The following SV2B variants were observed in gnomAD, a reference collection of about 807,000 sequenced individuals.
SV2B encodes solute carrier family 22 member B2.
A neutral mutation model predicts 73.9 loss-of-function variants in SV2B; 41 were observed. The ratio of observed to expected loss-of-function variants is 0.56; its 90% CI spans 0.43 to 0.72. The LOEUF (loss-of-function observed/expected upper bound fraction) is 0.72. Ranked by LOEUF, SV2B falls within the 30% of genes least tolerant of loss-of-function variation. SV2B has a pLI of 0.00. For missense variants in SV2B, 764 were observed against 857.8 expected (o/e 0.89, Z 1.37); for synonymous variants, 314 against 314.2 (o/e 1.00, Z 0.01).
chr15:91,243,462 G>T (rs1403174662), intron 2 of SV2B, among the ~76,000 whole-genome samples: 1 of 152,198 alleles, frequency 6.6e-6, no homozygotes, highest in African/African-American at 2.4e-5. Context: ...ATTAAGGAAA[G>T]TGACAGATAC....
chr15:91,212,044 A>G (rs2045887540), intron 1 of SV2B, among the ~76,000 whole-genome samples: 1 of 152,190 alleles, frequency 6.6e-6, no homozygotes, highest in Non-Finnish European at 1.5e-5. Context: ...AGGTTATAAC[A>G]TCTCTTCTTT....
In SV2B at chr15:91,268,662, A is replaced by T. The variant is rs62026603; in HGVS notation, c.1373+57A>T. ...CAGGGTGACAGTCGTGGGGACTGTT[A>T]TTGGGAGGGAGCCGGAGGGAAGATA... On this transcript the variant is annotated intron_variant, in intron 9 of 12. Transcript: ENST00000394232. This position sits in a 1 kb window ranked among gnomAD's most constrained non-coding sequence, Gnocchi z 4.4. 4 of 1,570,698 alleles carry T rather than the reference A, an allele frequency of 2.5e-6. No homozygotes were observed. The African/African-American group carries it at 5.4e-5, about 21-fold the overall frequency.
intron 1 of SV2B, among the ~76,000 whole-genome samples, chr15:91,166,222 C>T (rs79231204): frequency 0.012 from 1,793 of 152,248 alleles, 37 homozygotes; most frequent in African/African-American, 0.041. Flanking sequence ...TAGCAGTCCA[C>T]TCCCAATGTG....
intron 1 of SV2B, among the ~76,000 whole-genome samples, chr15:91,172,556 G>A (rs2044160750): frequency 6.6e-6 from 1 of 152,212 alleles, no homozygotes; most frequent in African/African-American, 2.4e-5. Context: ...GGAGGACTGG[G>A]TGCAGGCAGG....
In SV2B at chr15:91,170,333, G is replaced by A. The variant is rs142660952; in HGVS notation, c.-391-55540G>A. Among the ~76,000 whole-genome samples the A allele has an allele frequency of 6.0e-4, 92 of 152,210 alleles. No homozygotes were observed. The Middle Eastern group carries it at 0.01, about 17-fold the overall frequency. ...GATGGAGTCTCACTCTGTCACCCAG[G>A]CTGGAGTGCAGTGGCACAATCTCAG... On this transcript the variant is annotated intron_variant, in intron 1 of 12. Transcript: ENST00000394232.
intron 1 of SV2B, among the ~76,000 whole-genome samples, chr15:91,156,442 C>T (rs2073987): frequency 0.25 from 38,198 of 152,044 alleles, 5,804 homozygotes; most frequent in East Asian, 0.64. Flanking sequence ...ATTTTAAGCA[C>T]CAGATTCGTG....
In SV2B at chr15:91,147,965, C is replaced by CTTTTTTTT. The variant is rs60896008; in HGVS notation, c.-392+47628_-392+47635dup. 2.4e-3 allele frequency among the ~76,000 whole-genome samples: 93 copies of CTTTTTTTT among 39,302 alleles called. 10 individuals carry two copies. Among genetic ancestry groups the CTTTTTTTT allele is most frequent in the Non-Finnish European group, 3.2e-3 (72 of 22,676 alleles). 25.8% of individuals were successfully genotyped at this position (39,302 alleles called of 152,430 possible). On this transcript the variant is annotated intron_variant, in intron 1 of 12. Transcript: ENST00000394232. ...GTTCCCCACCCCGCACCCCCCCCAA[C>CTTTTTTTT]TTTTTTTTTTTTTTTTTTTTTTTTT...
At chr15:91,111,356 A>C (rs545628730) in intron 1 of SV2B, among the ~76,000 whole-genome samples, 1 of 152,200 alleles carries the variant, frequency 6.6e-6, no homozygotes, top group African/African-American at 2.4e-5. Flanking sequence ...GTTCTTTGAG[A>C]TGGTGCAGGG....
In SV2B at chr15:91,252,494, T is replaced by C. The variant is rs1302721063; in HGVS notation, c.758T>C (p.Met253Thr). ...ACTGGGGGCCTGTACGCATCTGCCA[T>C]GGCCTGGAGCATCATCCCACACTAT... ...WMTGGLYASA[M>T]AWSIIPHYGW... is the part of the protein sequence containing the mutation. The change falls in exon 4 of 13, where the codon ATG (methionine) becomes ACG (threonine). Residue 253 changes from methionine to threonine, a missense_variant. Transcript: ENST00000394232. This position sits in a 1 kb window ranked among gnomAD's most constrained non-coding sequence, Gnocchi z 4.6. 1.9e-6 allele frequency: 3 copies of C among 1,612,282 alleles called. No homozygotes were observed. The highest frequency in any genetic ancestry group is 4.5e-5 in the East Asian group (2 of 44,850).
rs2046493682 is a variant in SV2B, at chr15:91,229,557, G to A, written c.451+2843G>A. On this transcript the variant is annotated intron_variant, in intron 2 of 12. Transcript: ENST00000394232. This position sits in a 1 kb window ranked among gnomAD's most constrained non-coding sequence, Gnocchi z 4.3. ...TGCTGTGCCAGTTCTTAGTAGTGTG[G>A]TTTTGAGAAAGTTGCCTGGCTTCTC... 6.6e-6 allele frequency among the ~76,000 whole-genome samples: 1 copy of A among 152,134 alleles called. No homozygotes were observed. Among genetic ancestry groups the A allele is most frequent in the South Asian group, 2.1e-4 (1 of 4,830 alleles).
intron 1 of SV2B, among the ~76,000 whole-genome samples, chr15:91,221,693 G>GCGCGCACACACACACA (rs370290337): frequency 1.4e-3 from 190 of 140,156 alleles, no homozygotes; most frequent in African/African-American, 4.5e-3. Context: ...AAGCATGTGC[G>GCGCGCACACACACACA]CACACACACA....
At chr15:91,163,980 A>G (rs2043820307) in intron 1 of SV2B, among the ~76,000 whole-genome samples, 1 of 152,196 alleles carries the variant, frequency 6.6e-6, no homozygotes, top group African/African-American at 2.4e-5. Flanking sequence ...CTTTCTACAC[A>G]TGGCTAGCCA....
rs995830374 is a variant in SV2B at position 91,288,968 on chromosome 15, T to G, written c.1709-553T>G. 6.6e-6 allele frequency among the ~76,000 whole-genome samples: 1 copy of G among 152,160 alleles called. No individual in the cohort carries two copies. The highest frequency in any genetic ancestry group is 1.5e-5 in the Non-Finnish European group (1 of 68,020). Reference sequence around the variant, plus strand: ...GCTGGGATTATAGGCCAGAATTCCTTTCTTTTTAATGTCTGAGTAGTATCC... The same window carrying G: ...GCTGGGATTATAGGCCAGAATTCCTGTCTTTTTAATGTCTGAGTAGTATCC... On this transcript the variant is annotated intron_variant, in intron 11 of 12. Coordinates refer to ENST00000394232, the MANE Select transcript of SV2B (RefSeq NM_001323032.3). This position sits in a 1 kb window ranked among gnomAD's most constrained non-coding sequence, Gnocchi z 5.8.
intron 6 of SV2B, among the ~76,000 whole-genome samples, chr15:91,263,593 T>C (rs2048001782): frequency 1.5e-5 from 2 of 133,410 alleles, no homozygotes. Flanking sequence ...CAGACACATA[T>C]TAAGGCAGAC....
rs1301385791 is a variant in SV2B at position 91,223,607 on chromosome 15, G to A, written c.-391-2266G>A. On this transcript the variant is annotated intron_variant, in intron 1 of 12. Coordinates refer to ENST00000394232, the MANE Select transcript of SV2B (RefSeq NM_001323032.3). The surrounding 1 kb of genome is among the most constrained non-coding windows in gnomAD (Gnocchi z 4.6). ...AAATAACACACCAGATCTCAGTCAG[G>A]TGGCGTTCTTTCCATGTTTTTATAG... Among the ~76,000 whole-genome samples, 3 of 152,166 alleles carry A rather than the reference G, an allele frequency of 2.0e-5. No individual in the cohort carries two copies. Among genetic ancestry groups the A allele is most frequent in the African/African-American group, 7.2e-5 (3 of 41,434 alleles).
intron 11 of SV2B, among the ~76,000 whole-genome samples, chr15:91,286,235 T>C (rs16945517): frequency 0.034 from 5,163 of 152,220 alleles, 315 homozygotes; most frequent in African/African-American, 0.12. Context: ...TCAGCTGATA[T>C]CTATTTCACT....
intron 1 of SV2B, among the ~76,000 whole-genome samples, chr15:91,166,839 A>G (rs553530940): frequency 1.3e-4 from 18 of 138,440 alleles, no homozygotes; most frequent in East Asian, 6.2e-4. Flanking sequence ...TTTGAGATGG[A>G]GTCTTGCTCT....
At position 91,267,612 on chromosome 15, in the gene SV2B, C is replaced by G; in HGVS notation, c.1177C>G (p.Leu393Val). Residue 393 changes from leucine (L) to valine (V), a missense_variant, in exon 8 of 13, where the codon CTG becomes GTG. Transcript: ENST00000394232. The surrounding 1 kb of genome is among the most constrained non-coding windows in gnomAD (Gnocchi z 4.3). ...GCCCTACAGAATGAATACACTGATTCTGGCCGTGGTTTGGTTTGCCATGGC... is the reference window on the plus strand; with the variant it reads ...GCCCTACAGAATGAATACACTGATTGTGGCCGTGGTTTGGTTTGCCATGGC... ...MGPYRMNTLI[L>V]AVVWFAMAFS... 1 of 1,613,168 alleles carries G rather than the reference C, an allele frequency of 6.2e-7. No individual in the cohort carries two copies. Among genetic ancestry groups the G allele is most frequent in the Non-Finnish European group, 8.5e-7 (1 of 1,179,576 alleles).
intron 1 of SV2B, among the ~76,000 whole-genome samples, chr15:91,168,019 A>G (rs1266563484): frequency 2.6e-5 from 4 of 152,130 alleles, no homozygotes; most frequent in Admixed American, 1.3e-4. Flanking sequence ...GGGTCAGTCT[A>G]TAATCTGGGG....
Sources: allele counts gnomAD v4.1 joint callset (sites outside exome capture counted in the v4.1 genomes callset), GRCh38; gene constraint gnomAD v4.1.1; non-coding constraint Gnocchi (gnomAD v3.1); transcripts MANE v1.5; gene names NCBI Gene and HGNC (gene_info 2026-07-23, HGNC 2026-07-21).